LDLRAD4: variants seen among roughly 807,000 people sequenced by gnomAD.
The protein encoded by LDLRAD4 is low density lipoprotein receptor class A domain containing 4.
In LDLRAD4, 5 loss-of-function variants were observed where a neutral mutation model predicts 17.0. That is an observed-to-expected ratio of 0.29 (90% CI 0.15 to 0.62). The LOEUF is 0.62. LDLRAD4 is among the 20% of genes least tolerant of loss of function. The probability of loss-of-function intolerance (pLI) is 0.84; values close to 1 mark genes in which losing one functional copy is unlikely to be tolerated. For synonymous variants in LDLRAD4, 168 were observed against 171.8 expected (o/e 0.98, Z 0.17); for missense variants, 340 against 424.7 (o/e 0.80, Z 1.75).
chr18:13,381,412 G>C (rs2085354695), intron 1 of LDLRAD4, among the ~76,000 whole-genome samples: 2 of 152,092 alleles, frequency 1.3e-5, no homozygotes, highest in Admixed American at 1.3e-4. Context: ...CTCGGCCAGA[G>C]ACATGGCCAT....
At chr18:13,368,288 G>C (rs974278300) in intron 1 of LDLRAD4, among the ~76,000 whole-genome samples, 2 of 152,198 alleles carry the variant, frequency 1.3e-5, no homozygotes, top group Admixed American at 1.3e-4. Flanking sequence ...GAGGAAGAAG[G>C]AACAAGAGAG....
chr18:13,279,291 C>A (rs1031393854), intron 1 of LDLRAD4: 1 of 152,254 alleles, frequency 6.6e-6, no homozygotes, highest in Non-Finnish European at 1.5e-5. Flanking sequence ...GTTTGAAAAT[C>A]CCTGCTCTTC....
intron 2 of LDLRAD4, among the ~76,000 whole-genome samples, chr18:13,427,046 C>G (rs1188217530): frequency 6.6e-6 from 1 of 151,952 alleles, no homozygotes; most frequent in Non-Finnish European, 1.5e-5. Flanking sequence ...ATGAGCCAGG[C>G]GTGGTGGTGC....
At chr18:13,343,406 A>G (rs1402754624) in intron 1 of LDLRAD4, among the ~76,000 whole-genome samples, 1 of 152,020 alleles carries the variant, frequency 6.6e-6, no homozygotes. Context: ...TACAAAGGAC[A>G]TGAATTCATC....
chr18:13,642,160 C>G lies in LDLRAD4; in HGVS notation c.337-1199C>G, dbSNP rs555354477. 9 of 985,478 alleles carry G rather than the reference C, an allele frequency of 9.1e-6. No homozygotes were observed. In the South Asian group the frequency reaches 2.8e-4, roughly 31 times the overall value. The allele number at this position is 985,478 out of a possible 1,614,324, so 61.0% of individuals were successfully genotyped here. ...TTTGCCACTGATTCCAGGATGTCCC[C>G]GAGTATCTTAGGAAAGGGCCGTGTT... On this transcript the variant is annotated intron_variant, in intron 4 of 5. Transcript: ENST00000359446.
At chr18:13,268,301 C>G (rs765062591) in intron 1 of LDLRAD4, among the ~76,000 whole-genome samples, 15 of 152,202 alleles carry the variant, frequency 9.9e-5, no homozygotes, top group Non-Finnish European at 1.6e-4. Context: ...CCCTGCTTCC[C>G]TCCCCTGTTG....
chr18:13,344,942 A>G (rs1230125923), intron 1 of LDLRAD4, among the ~76,000 whole-genome samples: 1 of 152,156 alleles, frequency 6.6e-6, no homozygotes, highest in Admixed American at 6.5e-5. Context: ...GTATCCTGAG[A>G]CTTTGCTGCA....
chr18:13,541,252 A>G (rs188675712), intron 3 of LDLRAD4, among the ~76,000 whole-genome samples: 2 of 152,342 alleles, frequency 1.3e-5, no homozygotes, highest in East Asian at 3.9e-4. Flanking sequence ...CTATTCAAGG[A>G]CACTCATTGC....
chr18:13,469,661 T>C (rs1389507884), intron 3 of LDLRAD4, among the ~76,000 whole-genome samples: 2 of 152,336 alleles, frequency 1.3e-5, no homozygotes, highest in East Asian at 1.9e-4. Flanking sequence ...ATATGAAATA[T>C]CTAGCATACA....
At chr18:13,236,904 C>T (rs539731607) in intron 1 of LDLRAD4, among the ~76,000 whole-genome samples, 5 of 152,286 alleles carry the variant, frequency 3.3e-5, no homozygotes, top group East Asian at 1.9e-4. Context: ...TTGGAACCAG[C>T]GTGGTTCCAT....
chr18:13,589,496 G>T (rs2094980843), intron 3 of LDLRAD4, among the ~76,000 whole-genome samples: 1 of 152,152 alleles, frequency 6.6e-6, no homozygotes, highest in Non-Finnish European at 1.5e-5. Context: ...TCCCATCACC[G>T]TGGCTTTTTG....
chr18:13,343,910 C>A (rs1345188245), intron 1 of LDLRAD4, among the ~76,000 whole-genome samples: 1 of 152,204 alleles, frequency 6.6e-6, no homozygotes, highest in African/African-American at 2.4e-5. Flanking sequence ...ATATCCTTCA[C>A]CCACTTTTTG....
intron 4 of LDLRAD4, among the ~76,000 whole-genome samples, chr18:13,628,983 A>T (rs908795698): frequency 2.0e-5 from 3 of 152,136 alleles, no homozygotes; most frequent in African/African-American, 7.2e-5. Context: ...GGCACGCGCA[A>T]CCATGCCTGG....
intron 3 of LDLRAD4, among the ~76,000 whole-genome samples, chr18:13,620,356 C>T (rs2040509306): frequency 1.3e-5 from 2 of 152,204 alleles, no homozygotes; most frequent in South Asian, 2.1e-4. Flanking sequence ...TCTGAATTTA[C>T]ATCACTGCAC....
At chr18:13,358,290 C>T (rs1599652734) in intron 1 of LDLRAD4, among the ~76,000 whole-genome samples, 2 of 146,258 alleles carry the variant, frequency 1.4e-5, no homozygotes, top group African/African-American at 5.6e-5. Flanking sequence ...ATCTATTTAT[C>T]TATCTATCTG....
At chr18:13,407,012 T>C (rs2087827345) in intron 2 of LDLRAD4, among the ~76,000 whole-genome samples, 1 of 152,218 alleles carries the variant, frequency 6.6e-6, no homozygotes, top group African/African-American at 2.4e-5. Flanking sequence ...CCCTTTCATA[T>C]GTGCGATAAA....
intron 3 of LDLRAD4, among the ~76,000 whole-genome samples, chr18:13,527,973 C>T (rs2094060462): frequency 6.6e-6 from 1 of 152,198 alleles, no homozygotes; most frequent in Non-Finnish European, 1.5e-5. Context: ...CTCCATTTCT[C>T]TGTCGGCTCC....
Position 13,226,673 on chromosome 18 carries a change from A to T in LDLRAD4, c.-467+7685A>T, listed in dbSNP as rs181447597. Among the ~76,000 whole-genome samples, 381 of 151,808 alleles carry T rather than the reference A, an allele frequency of 2.5e-3. 2 individuals carry two copies. Among genetic ancestry groups the T allele is most frequent in the African/African-American group, 8.7e-3 (361 of 41,400 alleles). On this transcript the variant is annotated intron_variant, in intron 1 of 5. Coordinates refer to the LDLRAD4 transcript ENST00000399848. ...CATCATAATGTCAGTGGATGATCTC[A>T]GTAGGTGGGGTAAGACCTTTGTGCT...
chr18:13,630,871 T>C (rs1184142662), intron 4 of LDLRAD4, among the ~76,000 whole-genome samples: 2 of 152,248 alleles, frequency 1.3e-5, no homozygotes, highest in Non-Finnish European at 1.5e-5. Context: ...GAATGCTGGC[T>C]GTGACCCACT....
Sources: gnomAD v4.1 joint callset for allele counts (sites outside exome capture counted in the v4.1 genomes callset) on GRCh38, gnomAD v4.1.1 for gene constraint, MANE v1.5 for transcripts, NCBI Gene and HGNC (gene_info 2026-07-23, HGNC 2026-07-21) for gene names.